The following FAM161A variants were observed in gnomAD, a reference collection of about 807,000 sequenced individuals.
The protein encoded by FAM161A is FAM161 centrosomal protein A, also known as protein FAM161A.
FAM161A carries 57 observed loss-of-function variants against 70.9 expected under a neutral mutation model. The ratio of observed to expected loss-of-function variants is 0.80; its 90% CI spans 0.65 to 1.00. The LOEUF is 1.00. FAM161A is among the 50% of genes least tolerant of loss of function. FAM161A has a pLI of 0.00. For synonymous variants in FAM161A, 299 were observed against 295.7 expected, an observed-to-expected ratio of 1.01 and a Z score of -0.12; for missense variants, 880 against 836.0, an observed-to-expected ratio of 1.05 and a Z score of -0.65.
At chr2:61,804,631 G>A in the FAM161A span, among the ~76,000 whole-genome samples, 1 of 151,558 alleles carries the variant, frequency 6.6e-6, no homozygotes, top group Non-Finnish European at 1.5e-5. Flanking sequence ...ATTGCAGTGA[G>A]CCAACATTGC....
chr2:61,853,956 T>G lies in FAM161A; in HGVS notation c.86A>C (p.Gln29Pro). Reference sequence around the variant, plus strand: ...CTTTAAGGGGTCTTCGCGTTCGTACTGGGCGACCCGCGCTCCAGTGATGGG... The same window carrying G: ...CTTTAAGGGGTCTTCGCGTTCGTACGGGGCGACCCGCGCTCCAGTGATGGG... ...VNPITGARVA[Q>P]YEREDPLKAL... The change falls in exon 1 of 7, where the codon CAG becomes CCG. Residue 29 changes from glutamine to proline, a missense_variant. Transcript: ENST00000404929. The G allele has an allele frequency of 6.2e-7, 1 of 1,613,928 alleles. No individual in the cohort carries two copies. Among genetic ancestry groups the G allele is most frequent in the Non-Finnish European group, 8.5e-7 (1 of 1,179,836 alleles).
intron 4 of FAM161A, among the ~76,000 whole-genome samples, chr2:61,837,069 T>C (rs1208102766): frequency 2.0e-5 from 3 of 152,146 alleles, no homozygotes; most frequent in Non-Finnish European, 4.4e-5. Flanking sequence ...GGTCTCATTA[T>C]GTTTACCAGG....
At chr2:61,821,259 G>C (rs537074088), downstream of FAM161A, among the ~76,000 whole-genome samples, 58 of 152,130 alleles carry the variant, frequency 3.8e-4, no homozygotes, top group East Asian at 0.011. Context: ...CACCATATTG[G>C]CCAGGCTGGT....
At chr2:61,840,863 G>C (rs1431499494) in intron 2 of FAM161A, among the ~76,000 whole-genome samples, 2 of 152,102 alleles carry the variant, frequency 1.3e-5, no homozygotes, top group Non-Finnish European at 2.9e-5. Context: ...AGTTACCCAG[G>C]ATGGTCTCAA....
At chr2:61,807,129 G>A in the FAM161A span, among the ~76,000 whole-genome samples, 1 of 152,102 alleles carries the variant, frequency 6.6e-6, no homozygotes, top group Admixed American at 6.6e-5. Flanking sequence ...AGAGACAAAG[G>A]TGTGTTCTTT....
intron 5 of FAM161A, among the ~76,000 whole-genome samples, chr2:61,829,667 A>T (rs1477957882): frequency 6.6e-6 from 1 of 152,220 alleles, no homozygotes; most frequent in Non-Finnish European, 1.5e-5. Flanking sequence ...ACTTCAGCAA[A>T]TTAAATATAT....
rs911408597 is a variant in FAM161A, at chr2:61,839,722, T to C, written c.1282A>G (p.Thr428Ala). The change falls in exon 3 of 7, where the codon ACT (threonine) becomes GCT (alanine). Residue 428 changes from threonine to alanine, a missense_variant. Thr to Ala is a moderately conservative substitution (Grantham distance 58). Transcript: ENST00000404929. Reference sequence around the variant, plus strand: ...TCAGGAAGGTCCTCAAAATCAGGAGTTGGGCACCTAACCTTGTGTTTACAC... The same window carrying C: ...TCAGGAAGGTCCTCAAAATCAGGAGCTGGGCACCTAACCTTGTGTTTACAC... Reference protein sequence around the residue: ...LKCKHKVRCPTPDFEDLPERY... With the variant: ...LKCKHKVRCPAPDFEDLPERY... 6.2e-7 allele frequency: 1 copy of C among 1,614,094 alleles called. No homozygotes were observed. Among genetic ancestry groups the C allele is most frequent in the South Asian group, 1.1e-5 (1 of 91,076 alleles).
the FAM161A span, among the ~76,000 whole-genome samples, chr2:61,804,768 G>GAAAGAAGAAAGAAAGAAAGAA: frequency 8.4e-5 from 10 of 118,952 alleles, no homozygotes; most frequent in African/African-American, 3.2e-4. Context: ...GAAAAAGAAA[G>GAAAGAAGAAAGAAAGAAAGAA]AGAAAGAAAG....
rs1282395548 is a variant in FAM161A at position 61,838,673 on chromosome 2, T to A, written c.1616A>T (p.Glu539Val). ...TTTAGTTAGGATCCGATTTCTCTCT[T>A]CTTCCAACATTTTCTTTTCCTCAAG... is the stretch of plus-strand genomic sequence containing the variant. Reference protein sequence around the residue: ...RSLEEKKMLEEERNRILTKQK... With the variant: ...RSLEEKKMLEVERNRILTKQK... The change falls in exon 4 of 7, where the codon GAA (glutamate) becomes GTA (valine). Residue 539 changes from glutamate (E) to valine (V), a missense_variant. Glu to Val is a moderately radical substitution (Grantham distance 121, BLOSUM62 -2). Coordinates refer to ENST00000404929, the MANE Select transcript of FAM161A (RefSeq NM_001201543.2). The A allele has an allele frequency of 6.2e-7, 1 of 1,608,900 alleles. No homozygotes were observed. Among genetic ancestry groups the A allele is most frequent in the Admixed American group, 1.7e-5 (1 of 59,300 alleles).
the FAM161A span, among the ~76,000 whole-genome samples, chr2:61,806,680 CTTTTTTTTTTTT>C: frequency 3.6e-3 from 224 of 61,616 alleles, 1 homozygote; most frequent in African/African-American, 0.014. Flanking sequence ...CTTTCCACGT[CTTTTTTTTTTTT>C]TTTTTTTTTT....
chr2:61,820,157 C>T (rs147772638), downstream of FAM161A: 1,937 of 500,250 alleles, frequency 3.9e-3, 5 homozygotes, highest in Non-Finnish European at 5.2e-3. Context: ...TGTCCGTGGC[C>T]GCCACCAGGA....
downstream of FAM161A, among the ~76,000 whole-genome samples, chr2:61,822,636 G>C (rs1011345746): frequency 6.6e-6 from 1 of 152,040 alleles, no homozygotes; most frequent in African/African-American, 2.4e-5. Context: ...GCCTAGGCTA[G>C]AGTGCAGTGG....
chr2:61,827,973 A>C (rs991520928), intron 5 of FAM161A, among the ~76,000 whole-genome samples: 3 of 152,278 alleles, frequency 2.0e-5, no homozygotes, highest in Non-Finnish European at 4.4e-5. Context: ...GAAGCAAAGC[A>C]CTGACAAGTA....
chr2:61,821,569 T>C (rs949638877), downstream of FAM161A, among the ~76,000 whole-genome samples: 4 of 151,980 alleles, frequency 2.6e-5, no homozygotes, highest in East Asian at 1.9e-4. Context: ...ATTCAGTCTA[T>C]ATTAGTTGTA....
the FAM161A span, among the ~76,000 whole-genome samples, chr2:61,816,792 G>T: frequency 2.0e-5 from 3 of 152,092 alleles, no homozygotes; most frequent in Non-Finnish European, 4.4e-5. Flanking sequence ...TGGAGCAAAT[G>T]ACCCTTCATT....
intron 5 of FAM161A, among the ~76,000 whole-genome samples, chr2:61,834,362 G>T (rs1282534026): frequency 6.6e-6 from 1 of 152,074 alleles, no homozygotes; most frequent in Admixed American, 6.6e-5. Flanking sequence ...AGGGAGAGTG[G>T]AGGGAGGAGG....
At chr2:61,802,619 T>C in the FAM161A span, among the ~76,000 whole-genome samples, 5 of 152,204 alleles carry the variant, frequency 3.3e-5, no homozygotes, top group Non-Finnish European at 7.3e-5. Flanking sequence ...TAAACTGTTA[T>C]TGTTGTATTT....
Position 61,840,142 on chromosome 2 carries a change from G to C in FAM161A, c.862C>G (p.Pro288Ala). The C allele has an allele frequency of 5.6e-6, 9 of 1,614,144 alleles. No homozygotes were observed. Among genetic ancestry groups the C allele is most frequent in the Non-Finnish European group, 5.9e-6 (7 of 1,180,038 alleles). Reference sequence around the variant, plus strand: ...TAAAGGGGGAGAAAGACAGATGCAGGAACTGGATTGGCTCGGAATTTCTTC... The same window carrying C: ...TAAAGGGGGAGAAAGACAGATGCAGCAACTGGATTGGCTCGGAATTTCTTC... ...YKKKFRANPV[P>A]ASVFLPLYHD... Residue 288 changes from proline to alanine, a missense_variant, in exon 3 of 7, where the codon CCT (proline) becomes GCT (alanine). Coordinates refer to ENST00000404929, the MANE Select transcript of FAM161A (RefSeq NM_001201543.2).
At chr2:61,836,294 G>T in intron 4 of FAM161A, 185 bp from the exon 5 acceptor site, 3 of 564,562 alleles carry the variant, frequency 5.3e-6, no homozygotes, top group South Asian at 2.1e-5. Context: ...CTTCTATACC[G>T]GTTAATTCTC....
Sources: allele counts gnomAD v4.1 joint callset (sites outside exome capture counted in the v4.1 genomes callset), GRCh38; gene constraint gnomAD v4.1.1; transcripts MANE v1.5; gene names NCBI Gene and HGNC (gene_info 2026-07-23, HGNC 2026-07-21).